RERE: variants seen among roughly 807,000 people sequenced by gnomAD.
The protein encoded by RERE is arginine-glutamic acid dipeptide repeats protein.
In RERE, 40 loss-of-function variants were observed where a neutral mutation model predicts 146.1. The observed-to-expected ratio is 0.27, with a 90% confidence interval of 0.21 to 0.36. The LOEUF is 0.36. Among genes scored for constraint, RERE ranks in the 10% least tolerant of loss-of-function variants. RERE has a pLI of 1.00. For synonymous variants in RERE, 1,003 were observed against 866.0 expected, an observed-to-expected ratio of 1.16 and a Z score of -2.78; for missense variants, 1,933 against 2,138.7, an observed-to-expected ratio of 0.90 and a Z score of 1.90.
intron 4 of RERE, among the ~76,000 whole-genome samples, chr1:8,579,621 T>C (rs1420210727): frequency 2.0e-5 from 3 of 152,234 alleles, no homozygotes; most frequent in Admixed American, 6.5e-5. Context: ...GAAATCATTA[T>C]CTGGTAACTA....
chr1:8,502,151 G>A (rs1393116860), intron 8 of RERE, among the ~76,000 whole-genome samples: 2 of 27,986 alleles, frequency 7.1e-5, no homozygotes, highest in African/African-American at 3.6e-4. Flanking sequence ...CGCCCAGTCC[G>A]GGAGGGAGGT....
chr1:8,439,633 T>C (rs896292394), intron 11 of RERE, among the ~76,000 whole-genome samples: 5 of 152,198 alleles, frequency 3.3e-5, no homozygotes, highest in Non-Finnish European at 7.3e-5. Flanking sequence ...GCAAGAAAGG[T>C]CAATGACCCT....
intron 12 of RERE, among the ~76,000 whole-genome samples, chr1:8,373,322 C>T (rs1642114195): frequency 6.6e-6 from 1 of 152,104 alleles, no homozygotes; most frequent in Non-Finnish European, 1.5e-5. Context: ...TGTTCCCCTG[C>T]TTAAACTTTT....
At chr1:8,525,850 C>G in intron 7 of RERE, 1 of 1,511,344 alleles carries the variant, frequency 6.6e-7, no homozygotes, top group Non-Finnish European at 8.8e-7. Flanking sequence ...AAAACTCTGC[C>G]CTTTTCTACA....
intron 4 of RERE, among the ~76,000 whole-genome samples, chr1:8,592,445 A>T (rs1646506890): frequency 6.6e-6 from 1 of 151,814 alleles, no homozygotes; most frequent in Non-Finnish European, 1.5e-5. Flanking sequence ...TAATTTTTGT[A>T]CTTTTTTGTA....
chr1:8,533,681 A>T (rs1645687178), intron 7 of RERE, among the ~76,000 whole-genome samples: 1 of 152,238 alleles, frequency 6.6e-6, no homozygotes, highest in South Asian at 2.1e-4. Context: ...AAATGTTAAC[A>T]AACTCAATCC....
intron 1 of RERE, among the ~76,000 whole-genome samples, chr1:8,778,113 CA>C (rs1348851583): frequency 6.6e-6 from 1 of 152,132 alleles, no homozygotes; most frequent in Non-Finnish European, 1.5e-5. Flanking sequence ...CCACACTAAG[CA>C]AACAGCAAGA....
At chr1:8,494,186 T>C (rs984302182) in intron 10 of RERE, among the ~76,000 whole-genome samples, 9 of 152,232 alleles carry the variant, frequency 5.9e-5, no homozygotes, top group African/African-American at 2.2e-4. Context: ...TTAGAAATTA[T>C]TCGTGTAAAA....
At chr1:8,664,692 C>G (rs1413756054) in intron 1 of RERE, among the ~76,000 whole-genome samples, 1 of 152,094 alleles carries the variant, frequency 6.6e-6, no homozygotes, top group Non-Finnish European at 1.5e-5. Context: ...ATCCCTACAT[C>G]CCATCATCAA....
chr1:8,454,781 G>A (rs1644431424), intron 11 of RERE, among the ~76,000 whole-genome samples: 1 of 151,918 alleles, frequency 6.6e-6, no homozygotes, highest in African/African-American at 2.4e-5. Flanking sequence ...CTCCAGCCTG[G>A]GCGACAGGGT....
chr1:8,415,527 G>A (rs1189128325), intron 12 of RERE, among the ~76,000 whole-genome samples: 1 of 152,194 alleles, frequency 6.6e-6, no homozygotes, highest in East Asian at 1.9e-4. Flanking sequence ...ATCCCCACTA[G>A]TTTTCATATG....
At chr1:8,650,708 C>T (rs1647578020) in intron 2 of RERE, among the ~76,000 whole-genome samples, 1 of 152,102 alleles carries the variant, frequency 6.6e-6, no homozygotes, top group Admixed American at 6.5e-5. Context: ...ACCATCCTAG[C>T]CAACATGGTG....
intron 10 of RERE, among the ~76,000 whole-genome samples, chr1:8,481,200 T>C (rs532853629): frequency 1.8e-4 from 27 of 152,316 alleles, no homozygotes; most frequent in African/African-American, 6.3e-4. Flanking sequence ...CACTGCAGCC[T>C]CCACCTCCTG....
intron 1 of RERE, among the ~76,000 whole-genome samples, chr1:8,728,053 T>C (rs1320594349): frequency 6.6e-6 from 1 of 152,242 alleles, no homozygotes; most frequent in Non-Finnish European, 1.5e-5. Flanking sequence ...AGGCTACTTC[T>C]GCAGCTAAGC....
Position 8,364,651 on chromosome 1 carries a change from T to G in RERE, c.1540+95A>C. ...AATGCAAATGTCAAATCAAGTACTG[T>G]CCCTGGCAGGTTTCCAGCTGGATGC... On this transcript the variant is annotated intron_variant, in intron 14 of 22. Coordinates refer to ENST00000400908, the MANE Select transcript of RERE (RefSeq NM_001042681.2). The surrounding 1 kb of genome is among the most constrained non-coding windows in gnomAD (Gnocchi z 5.1). 1 of 857,802 alleles carries G rather than the reference T, an allele frequency of 1.2e-6. No homozygotes were observed. Among genetic ancestry groups the G allele is most frequent in the Middle Eastern group, 2.2e-4 (1 of 4,612 alleles). The allele number at this position is 857,802 out of a possible 1,614,324, so 53.1% of individuals were successfully genotyped here.
chr1:8,603,649 G>A (rs1164175569), intron 4 of RERE, among the ~76,000 whole-genome samples: 1 of 152,080 alleles, frequency 6.6e-6, no homozygotes, highest in Admixed American at 6.5e-5. Flanking sequence ...ATTGGGGAAG[G>A]GAGGAAATTA....
At position 8,465,984 on chromosome 1, in the gene RERE, G is replaced by A. The variant is rs749081908; in HGVS notation, c.1144C>T (p.Arg382Cys). The change falls in exon 11 of 23, where the codon CGC becomes TGC. Residue 382 changes from arginine (R) to cysteine (C), a missense_variant. Physicochemically the swap from Arg to Cys is radical, Grantham distance 180. This residue lies in a region of RERE where 260 missense variants were observed against 378.4 expected (regional missense o/e 0.69). Coordinates refer to ENST00000400908, the MANE Select transcript of RERE (RefSeq NM_001042681.2). ...TTGGGCACAGGCTTCTTCACCAGGC[G>A]CTGCAGGGCTTTGCCAGCATCGTAA... ...SGYDAGKALQRLVKKPVPKLI... is the reference protein window; with the variant it reads ...SGYDAGKALQCLVKKPVPKLI... 24 of 1,613,704 alleles carry A rather than the reference G, an allele frequency of 1.5e-5. No homozygotes were observed. The highest frequency in any genetic ancestry group is 2.0e-5 in the Non-Finnish European group (24 of 1,179,676).
At chr1:8,440,973 G>A (rs1263463879) in intron 11 of RERE, among the ~76,000 whole-genome samples, 1 of 129,966 alleles carries the variant, frequency 7.7e-6, no homozygotes, top group African/African-American at 2.9e-5. Context: ...GCTAGCAGAG[G>A]GTTTTCTTTA....
Position 8,364,143 on chromosome 1 carries a change from C to T in RERE, c.1653G>A (p.Pro551=), listed in dbSNP as rs746600567. 20 of 1,613,994 alleles carry T rather than the reference C, an allele frequency of 1.2e-5. No homozygotes were observed. Among genetic ancestry groups the T allele is most frequent in the East Asian group, 8.9e-5 (4 of 44,876 alleles). The change falls in exon 15 of 23, where the codon CCG becomes CCA. Residue 551 remains proline, a synonymous_variant. Coordinates refer to ENST00000400908, the MANE Select transcript of RERE (RefSeq NM_001042681.2). This position sits in a 1 kb window ranked among gnomAD's most constrained non-coding sequence, Gnocchi z 5.1. The part of the protein sequence containing the change: ...ELPPIEKPVD[P]PPFMFKPVKE... ...TGACGGGTTTGAACATAAACGGTGG[C>T]GGGTCCACGGGCTTCTCAATGGGCG...
Sources: allele counts gnomAD v4.1 joint callset (sites outside exome capture counted in the v4.1 genomes callset), GRCh38; gene constraint gnomAD v4.1.1; regional missense constraint gnomAD v4.1.1; non-coding constraint Gnocchi (gnomAD v3.1); transcripts MANE v1.5; gene names NCBI Gene and HGNC (gene_info 2026-07-23, HGNC 2026-07-21).